The following DGKB variants were observed in gnomAD, a reference collection of about 807,000 sequenced individuals.
DGKB encodes diacylglycerol kinase beta, also known as 90 kDa diacylglycerol kinase.
Under a neutral mutation model 114.3 loss-of-function variants are expected in DGKB, and 67 were observed. The ratio of observed to expected loss-of-function variants is 0.59; its 90% CI spans 0.48 to 0.72. The LOEUF is 0.72. Ranked by LOEUF, DGKB falls within the 30% of genes least tolerant of loss-of-function variation. DGKB has a pLI of 0.00. For synonymous variants in DGKB, 398 were observed against 323.1 expected, an observed-to-expected ratio of 1.23 and a Z score of -2.49; for missense variants, 907 against 975.2, an observed-to-expected ratio of 0.93 and a Z score of 0.93.
intron 20 of DGKB, among the ~76,000 whole-genome samples, chr7:14,560,257 T>C (rs781649761): frequency 5.3e-5 from 8 of 152,154 alleles, no homozygotes; most frequent in Non-Finnish European, 7.4e-5. Context: ...AAGTATAAAA[T>C]ACATTATTGT....
intron 16 of DGKB, among the ~76,000 whole-genome samples, chr7:14,609,318 C>T (rs1415268493): frequency 2.6e-5 from 4 of 152,044 alleles, no homozygotes; most frequent in African/African-American, 7.2e-5. Flanking sequence ...ATACATGTTA[C>T]TGGAATAGCT....
At chr7:14,292,319 G>A (rs1210271181) in intron 23 of DGKB, among the ~76,000 whole-genome samples, 1 of 152,060 alleles carries the variant, frequency 6.6e-6, no homozygotes, top group East Asian at 1.9e-4. Flanking sequence ...TGCATGGTCA[G>A]CACTGACTCA....
chr7:14,862,290 T>C (rs217549), intron 1 of DGKB, among the ~76,000 whole-genome samples: 36,093 of 151,888 alleles, frequency 0.24, 4,679 homozygotes, highest in African/African-American at 0.32. Flanking sequence ...ACTGTGTGTA[T>C]GTATGTGTAT....
At chr7:14,396,451 A>G (rs1349952905) in intron 21 of DGKB, among the ~76,000 whole-genome samples, 1 of 152,142 alleles carries the variant, frequency 6.6e-6, no homozygotes, top group African/African-American at 2.4e-5. Flanking sequence ...CATTAATTTT[A>G]GATTCATATC....
At chr7:14,957,174 CT>C (rs1438256149) in intron 1 of DGKB, among the ~76,000 whole-genome samples, 1 of 151,858 alleles carries the variant, frequency 6.6e-6, no homozygotes, top group Non-Finnish European at 1.5e-5. Flanking sequence ...CTTTAAAATG[CT>C]TAGCCTGATT....
chr7:14,374,754 T>C lies in DGKB; in HGVS notation c.1836-29363A>G, dbSNP rs575849490. ...ATACTATTTACATTGATTGGGCAGA[T>C]ACCTCTTTGTTATAAGGCACTGTCC... On this transcript the variant is annotated intron_variant, in intron 21 of 25. Coordinates refer to ENST00000402815, the MANE Select transcript of DGKB (RefSeq NM_001350709.2). 4.6e-5 allele frequency among the ~76,000 whole-genome samples: 7 copies of C among 152,342 alleles called. No individual in the cohort carries two copies. In the East Asian group the frequency reaches 1.2e-3, roughly 25 times the overall value.
chr7:14,654,494 A>AT (rs1815359958), intron 13 of DGKB, among the ~76,000 whole-genome samples: 2 of 152,042 alleles, frequency 1.3e-5, no homozygotes, highest in African/African-American at 4.8e-5. Context: ...TGTAATCCCT[A>AT]TTAAAAATTG....
At chr7:14,780,950 C>G (rs1239421092) in intron 2 of DGKB, among the ~76,000 whole-genome samples, 1 of 152,000 alleles carries the variant, frequency 6.6e-6, no homozygotes, top group African/African-American at 2.4e-5. Flanking sequence ...GTTTCTTTTC[C>G]TTGTTGTCAT....
At chr7:14,188,615 C>T (rs1161646758) in intron 23 of DGKB, among the ~76,000 whole-genome samples, 2 of 117,154 alleles carry the variant, frequency 1.7e-5, no homozygotes, top group African/African-American at 6.1e-5. Flanking sequence ...AGCCTAGATC[C>T]CGCCACTGCA....
chr7:14,549,828 A>G (rs373343622), intron 20 of DGKB, among the ~76,000 whole-genome samples: 1 of 152,134 alleles, frequency 6.6e-6, no homozygotes, highest in Admixed American at 6.5e-5. Context: ...CTCTACTAAA[A>G]AATATAAAAA....
chr7:14,616,633 T>C (rs755619335), intron 15 of DGKB, among the ~76,000 whole-genome samples: 2 of 151,746 alleles, frequency 1.3e-5, no homozygotes, highest in Non-Finnish European at 3.0e-5. Context: ...TTATACAGCA[T>C]TTGAGATCAT....
intron 20 of DGKB, among the ~76,000 whole-genome samples, chr7:14,561,782 A>C (rs2128671851): frequency 6.6e-6 from 1 of 152,350 alleles, no homozygotes; most frequent in East Asian, 1.9e-4. Flanking sequence ...GAAGCAGAGC[A>C]TAAAAGTTTG....
At chr7:14,393,812 A>T (rs568239644) in intron 21 of DGKB, among the ~76,000 whole-genome samples, 1 of 152,224 alleles carries the variant, frequency 6.6e-6, no homozygotes, top group East Asian at 1.9e-4. Context: ...CTCTGTGTCT[A>T]CTATTTGGTC....
intron 4 of DGKB, among the ~76,000 whole-genome samples, chr7:14,745,706 C>A (rs1833186876): frequency 6.6e-6 from 1 of 152,172 alleles, no homozygotes; most frequent in Admixed American, 6.5e-5. Context: ...GCCTGGTATT[C>A]AATTTGTGAG....
intron 21 of DGKB, among the ~76,000 whole-genome samples, chr7:14,385,860 G>T (rs1245793278): frequency 2.0e-5 from 3 of 152,180 alleles, no homozygotes. Flanking sequence ...CAAGACAGCT[G>T]CAATAACGGT....
chr7:14,942,142 C>G (rs755649223), intron 1 of DGKB, among the ~76,000 whole-genome samples: 24 of 151,468 alleles, frequency 1.6e-4, no homozygotes, highest in Middle Eastern at 3.4e-3. Flanking sequence ...TTAGGCAAAA[C>G]AATTTGTTTA....
At chr7:14,451,733 G>A (rs912148510) in intron 21 of DGKB, among the ~76,000 whole-genome samples, 64 of 152,174 alleles carry the variant, frequency 4.2e-4, no homozygotes, top group African/African-American at 1.5e-3. Context: ...GAACAACTGG[G>A]TAGTTACATC....
chr7:14,451,012 C>T (rs1368273897), intron 21 of DGKB, among the ~76,000 whole-genome samples: 2 of 152,120 alleles, frequency 1.3e-5, no homozygotes, highest in East Asian at 3.9e-4. Context: ...ACAGCGGATA[C>T]CAGTGTAAGA....
chr7:14,292,077 C>T (rs961597391), intron 23 of DGKB, among the ~76,000 whole-genome samples: 1 of 152,002 alleles, frequency 6.6e-6, no homozygotes, highest in African/African-American at 2.4e-5. Context: ...TGGAAAGCAG[C>T]AGAAAATACA....
Sources: gnomAD v4.1 joint callset for allele counts (sites outside exome capture counted in the v4.1 genomes callset) on GRCh38, gnomAD v4.1.1 for gene constraint, MANE v1.5 for transcripts, NCBI Gene and HGNC (gene_info 2026-07-23, HGNC 2026-07-21) for gene names.